ADK: variants seen among roughly 807,000 people sequenced by gnomAD.
ADK encodes the protein N6,N6-dimethyladenosine kinase.
ADK carries 24 observed loss-of-function variants against 44.7 expected under a neutral mutation model. The ratio of observed to expected loss-of-function variants is 0.54; its 90% confidence interval spans 0.39 to 0.76. The LOEUF is 0.76. Among genes scored for constraint, ADK ranks in the 30% least tolerant of loss-of-function variants. The pLI is 0.00. For synonymous variants in ADK, 128 were observed against 142.6 expected (o/e 0.90, Z 0.73); for missense variants, 321 against 425.1 (o/e 0.76, Z 2.15).
At chr10:74,199,869 G>A (rs192209840) in intron 1 of ADK, among the ~76,000 whole-genome samples, 2 of 151,810 alleles carry the variant, frequency 1.3e-5, no homozygotes, top group African/African-American at 2.4e-5. Context: ...TTATACAGAT[G>A]GGGTTTCACC....
intron 2 of ADK, among the ~76,000 whole-genome samples, chr10:74,204,201 C>T (rs528504253): frequency 7.8e-4 from 119 of 152,186 alleles, no homozygotes; most frequent in Middle Eastern, 3.4e-3. Flanking sequence ...GTGATCCACC[C>T]GTCTTGGCCT....
chr10:74,572,084 G>A (rs941513184), intron 7 of ADK, among the ~76,000 whole-genome samples: 7 of 152,242 alleles, frequency 4.6e-5, no homozygotes, highest in South Asian at 2.1e-4. Context: ...AGTTGATGCA[G>A]TTTCTTCCTA....
chr10:74,236,144 C>T (rs1423689756), intron 3 of ADK, among the ~76,000 whole-genome samples: 2 of 152,332 alleles, frequency 1.3e-5, no homozygotes, highest in African/African-American at 4.8e-5. Flanking sequence ...ATAATTAGCT[C>T]TTCAAAGATG....
intron 8 of ADK, among the ~76,000 whole-genome samples, chr10:74,593,646 G>C (rs1054653823): frequency 2.6e-5 from 4 of 152,070 alleles, no homozygotes; most frequent in African/African-American, 4.8e-5. Flanking sequence ...ATCTGGCACT[G>C]ACACATCATA....
chr10:74,683,591 T>C (rs754078993), intron 10 of ADK, among the ~76,000 whole-genome samples: 2 of 152,072 alleles, frequency 1.3e-5, no homozygotes, highest in African/African-American at 2.4e-5. Flanking sequence ...TCTCTAAATA[T>C]GAGGGAAATA....
chr10:74,166,027 C>G (rs1369449254), intron 1 of ADK, among the ~76,000 whole-genome samples: 1 of 152,162 alleles, frequency 6.6e-6, no homozygotes, highest in Non-Finnish European at 1.5e-5. Flanking sequence ...TACACTTCCA[C>G]TTCCTGGGTT....
intron 4 of ADK, among the ~76,000 whole-genome samples, chr10:74,368,175 A>G (rs1012474102): frequency 7.2e-5 from 11 of 152,176 alleles, no homozygotes; most frequent in African/African-American, 2.7e-4. Context: ...AGGTTGGAGT[A>G]CAGTGGCATG....
At chr10:74,527,786 CAT>C (rs1849115677) in intron 7 of ADK, 6 of 1,566,926 alleles carry the variant, frequency 3.8e-6, no homozygotes, top group East Asian at 2.2e-5. Flanking sequence ...AGAAACCTGA[CAT>C]GTGGGCATAC....
intron 4 of ADK, among the ~76,000 whole-genome samples, chr10:74,341,448 C>T (rs1841579184): frequency 6.6e-6 from 1 of 151,276 alleles, no homozygotes; most frequent in Non-Finnish European, 1.5e-5. Flanking sequence ...ATCACTTGAA[C>T]CTGGGAAGGT....
At chr10:74,548,957 T>C (rs1172443937) in intron 7 of ADK, among the ~76,000 whole-genome samples, 2 of 152,244 alleles carry the variant, frequency 1.3e-5, no homozygotes, top group African/African-American at 4.8e-5. Flanking sequence ...ATTTATTTTA[T>C]AATGATTCAT....
chr10:74,507,058 A>G (rs1848105498), intron 6 of ADK, among the ~76,000 whole-genome samples: 2 of 152,314 alleles, frequency 1.3e-5, no homozygotes, highest in Admixed American at 1.3e-4. Context: ...TTTTCAATTT[A>G]TATGTATTTT....
chr10:74,634,419 C>T (rs1398167085), intron 9 of ADK, among the ~76,000 whole-genome samples: 1 of 151,970 alleles, frequency 6.6e-6, no homozygotes, highest in East Asian at 2.0e-4. Context: ...GGGGTTTCAC[C>T]GTGTTAGCCA....
intron 6 of ADK, among the ~76,000 whole-genome samples, chr10:74,406,094 T>C (rs1046500243): frequency 2.0e-5 from 3 of 152,206 alleles, no homozygotes; most frequent in African/African-American, 7.2e-5. Context: ...TGCAATAAAC[T>C]GCTGTAGTCA....
At chr10:74,222,788 A>ACTC (rs1844368295) in intron 2 of ADK, among the ~76,000 whole-genome samples, 1 of 147,768 alleles carries the variant, frequency 6.8e-6, no homozygotes, top group Non-Finnish European at 1.5e-5. Flanking sequence ...GCATATTCTC[A>ACTC]CTCATAGGTG....
At chr10:74,221,646 C>T (rs1300588638) in intron 2 of ADK, among the ~76,000 whole-genome samples, 1 of 147,348 alleles carries the variant, frequency 6.8e-6, no homozygotes, top group Non-Finnish European at 1.5e-5. Context: ...GTAACCAAAA[C>T]AGCATGGTAC....
chr10:74,533,820 T>A (rs998322059), intron 7 of ADK, among the ~76,000 whole-genome samples: 3 of 152,214 alleles, frequency 2.0e-5, no homozygotes, highest in African/African-American at 7.2e-5. Flanking sequence ...TGTAAAGACA[T>A]ACACAGGTGT....
At chr10:74,167,426 A>G (rs1043434226) in intron 1 of ADK, among the ~76,000 whole-genome samples, 1 of 152,190 alleles carries the variant, frequency 6.6e-6, no homozygotes, top group Non-Finnish European at 1.5e-5. Flanking sequence ...TGGCCTGTTG[A>G]TTCTGTTCTA....
intron 6 of ADK, among the ~76,000 whole-genome samples, chr10:74,493,999 A>G (rs983477946): frequency 1.3e-5 from 2 of 152,166 alleles, no homozygotes; most frequent in Non-Finnish European, 2.9e-5. Context: ...TGGTCATTTA[A>G]TAGGAGAGAA....
In ADK at chr10:74,531,825, A is replaced by C. The variant is rs536762503; in HGVS notation, c.726+6399A>C. Among the ~76,000 whole-genome samples, 10 of 152,286 alleles carry C rather than the reference A, an allele frequency of 6.6e-5. No homozygotes were observed. The East Asian group carries it at 1.9e-3, about 29-fold the overall frequency. Reference sequence around the variant, plus strand: ...TGGGATTACAAGCATGAGCCACTGCACTTGGCAGTGTTGAATTTTAACACA... The same window carrying C: ...TGGGATTACAAGCATGAGCCACTGCCCTTGGCAGTGTTGAATTTTAACACA... On this transcript the variant is annotated intron_variant, in intron 7 of 10. Transcript: ENST00000539909.
Sources: gnomAD v4.1 joint callset for allele counts (sites outside exome capture counted in the v4.1 genomes callset) on GRCh38, gnomAD v4.1.1 for gene constraint, MANE v1.5 for transcripts, NCBI Gene and HGNC (gene_info 2026-07-23, HGNC 2026-07-21) for gene names.